EPHB2: variants seen among roughly 807,000 people sequenced by gnomAD.
EPHB2 encodes the protein ephrin type-B receptor 2.
A neutral mutation model predicts 96.4 loss-of-function variants in EPHB2; 18 were observed. The observed-to-expected ratio is 0.19, with a 90% CI of 0.13 to 0.28. The LOEUF (loss-of-function observed/expected upper bound fraction) is 0.28, where lower values mean the gene tolerates loss of function less well. Among genes scored for constraint, EPHB2 ranks in the 10% least tolerant of loss-of-function variants. EPHB2 has a pLI of 1.00. For missense variants in EPHB2, 989 were observed against 1,355.4 expected (o/e 0.73, Z 4.25); for synonymous variants, 506 against 534.1 (o/e 0.95, Z 0.72).
At chr1:22,865,815 C>A (rs1022174241) in intron 5 of EPHB2, among the ~76,000 whole-genome samples, 1 of 152,196 alleles carries the variant, frequency 6.6e-6, no homozygotes, top group African/African-American at 2.4e-5. Context: ...ACTTGTACCT[C>A]CATCACAAGT....
At chr1:22,904,687 C>T (rs1363970200) in intron 9 of EPHB2, among the ~76,000 whole-genome samples, 1 of 152,228 alleles carries the variant, frequency 6.6e-6, no homozygotes, top group Non-Finnish European at 1.5e-5. Context: ...ACTCTGCTGT[C>T]ATAGCTTAAT....
rs143448421 is a variant in EPHB2 at position 22,858,802 on chromosome 1, T to C, written c.812-4235T>C. On this transcript the variant is annotated intron_variant, in intron 3 of 15. Coordinates refer to ENST00000374630, the MANE Select transcript of EPHB2 (RefSeq NM_017449.5). The surrounding 1 kb of genome is among the most constrained non-coding windows in gnomAD (Gnocchi z 7.7). ...CTCTGCTACTGAAGAGCTATGTCTG[T>C]CTGTTCCTCTCTGGGCCTCAGTTTC... 6.4e-3 allele frequency among the ~76,000 whole-genome samples: 972 copies of C among 152,286 alleles called. 7 individuals are homozygous for C. Among genetic ancestry groups the C allele is most frequent in the African/African-American group, 0.021 (889 of 41,542 alleles).
chr1:22,895,652 C>A (rs1639535165), intron 8 of EPHB2, 72 bp downstream of exon 8: 1 of 1,354,512 alleles, frequency 7.4e-7, no homozygotes, highest in Non-Finnish European at 1.1e-6. Context: ...TCAGTCATCC[C>A]TCTACAGTGC....
chr1:22,804,904 C>A (rs1393875945), intron 3 of EPHB2, among the ~76,000 whole-genome samples: 1 of 152,004 alleles, frequency 6.6e-6, no homozygotes, highest in Admixed American at 6.5e-5. Context: ...GTCTCTCTAG[C>A]TCCCTCCCCA....
chr1:22,863,403 C>T (rs758138006), intron 4 of EPHB2, among the ~76,000 whole-genome samples: 1 of 152,350 alleles, frequency 6.6e-6, no homozygotes, highest in Admixed American at 6.5e-5. Context: ...CTCCTTACCC[C>T]CTTCTGCTGA....
At chr1:22,734,242 C>G (rs1557642677) in intron 1 of EPHB2, among the ~76,000 whole-genome samples, 2 of 152,120 alleles carry the variant, frequency 1.3e-5, no homozygotes, top group African/African-American at 2.4e-5. Context: ...AATCTTACCC[C>G]CCGGCACAGC....
At chr1:22,745,832 C>T (rs927419602) in intron 1 of EPHB2, among the ~76,000 whole-genome samples, 4 of 152,068 alleles carry the variant, frequency 2.6e-5, no homozygotes, top group Non-Finnish European at 2.9e-5. Context: ...CGGGGCCTGG[C>T]GTCTGCCCAC....
At chr1:22,831,905 G>A (rs1645309473) in intron 3 of EPHB2, among the ~76,000 whole-genome samples, 3 of 152,152 alleles carry the variant, frequency 2.0e-5, no homozygotes, top group African/African-American at 7.2e-5. Flanking sequence ...CTAGCCAGAG[G>A]CAGCCAGGAT....
At chr1:22,772,283 A>G (rs1257707384) in intron 1 of EPHB2, among the ~76,000 whole-genome samples, 2 of 152,094 alleles carry the variant, frequency 1.3e-5, no homozygotes, top group African/African-American at 4.8e-5. Context: ...CAGGCAGGGG[A>G]CAGAGCAGAG....
intron 14 of EPHB2, among the ~76,000 whole-genome samples, chr1:22,910,978 A>T (rs1640079793): frequency 6.6e-6 from 1 of 151,960 alleles, no homozygotes; most frequent in African/African-American, 2.4e-5. Flanking sequence ...TCTCTACTAA[A>T]ATTTATAAAA....
intron 3 of EPHB2, among the ~76,000 whole-genome samples, chr1:22,857,979 A>C (rs1329289057): frequency 6.6e-6 from 1 of 152,134 alleles, no homozygotes; most frequent in Admixed American, 6.5e-5. Flanking sequence ...ATATAATTAC[A>C]AATTGTGATG....
chr1:22,734,017 C>T (rs1643771857), intron 1 of EPHB2, among the ~76,000 whole-genome samples: 1 of 152,228 alleles, frequency 6.6e-6, no homozygotes, highest in Non-Finnish European at 1.5e-5. Context: ...AACAAAACCC[C>T]AGCCCAGAGG....
rs113730460 is a variant in EPHB2, at chr1:22,805,200, G to A, written c.811+20124G>A. Reference sequence around the variant, plus strand: ...ACATCTGTCAAATCCATGTCCCACAGGGGGCCTGGCCTGTTGATTCTGAAG... The same window carrying A: ...ACATCTGTCAAATCCATGTCCCACAAGGGGCCTGGCCTGTTGATTCTGAAG... On this transcript the variant is annotated intron_variant, in intron 3 of 15. Transcript: ENST00000374630. 4.3e-4 allele frequency among the ~76,000 whole-genome samples: 66 copies of A among 152,232 alleles called. 1 individual carries two copies. The highest frequency in any genetic ancestry group is 1.6e-3 in the African/African-American group (65 of 41,538).
intron 5 of EPHB2, among the ~76,000 whole-genome samples, chr1:22,876,191 G>A (rs111909289): frequency 1.1e-4 from 17 of 152,180 alleles, no homozygotes; most frequent in African/African-American, 4.1e-4. Context: ...TGTGCCCAGC[G>A]ACCTCTCCCC....
At chr1:22,864,120 A>C (rs1015554402) in intron 4 of EPHB2, among the ~76,000 whole-genome samples, 20 of 146,354 alleles carry the variant, frequency 1.4e-4, no homozygotes, top group Non-Finnish European at 2.7e-4. Flanking sequence ...ATCTCAGCTC[A>C]TGGCAACTTC....
intron 3 of EPHB2, among the ~76,000 whole-genome samples, chr1:22,806,262 G>A (rs908764534): frequency 2.6e-5 from 4 of 152,248 alleles, no homozygotes; most frequent in Non-Finnish European, 5.9e-5. Flanking sequence ...GTGCACAGAA[G>A]TGATGTAACT....
intron 1 of EPHB2, among the ~76,000 whole-genome samples, chr1:22,730,233 G>C (rs535434927): frequency 1.3e-5 from 2 of 152,232 alleles, no homozygotes; most frequent in African/African-American, 4.8e-5. Context: ...GGGCGGAGGC[G>C]GGGGTGGCTT....
At chr1:22,788,020 C>T (rs1443943968) in intron 3 of EPHB2, among the ~76,000 whole-genome samples, 1 of 152,194 alleles carries the variant, frequency 6.6e-6, no homozygotes, top group African/African-American at 2.4e-5. Context: ...CAGCAAACAC[C>T]CAAGACAGAA....
chr1:22,723,379 G>A lies in EPHB2; in HGVS notation c.61+12336G>A, dbSNP rs895099974. 3.9e-5 allele frequency among the ~76,000 whole-genome samples: 6 copies of A among 152,200 alleles called. No homozygotes were observed. In the South Asian group the frequency reaches 6.2e-4, roughly 16 times the overall value. ...CCGGTACATCCTCTTGCCTGTCTCC[G>A]TCAGCGTCAGCTGTCACTCCCCACG... On this transcript the variant is annotated intron_variant, in intron 1 of 15. Coordinates refer to ENST00000374630, the MANE Select transcript of EPHB2 (RefSeq NM_017449.5).
Sources: gnomAD v4.1 joint callset for allele counts (sites outside exome capture counted in the v4.1 genomes callset) on GRCh38, gnomAD v4.1.1 for gene constraint, Gnocchi (gnomAD v3.1) non-coding constraint, MANE v1.5 for transcripts, NCBI Gene and HGNC (gene_info 2026-07-23, HGNC 2026-07-21) for gene names.